Variants in XBP1 observed in about 807,000 individuals in gnomAD.
XBP1 encodes the protein X-box-binding protein 1.
Under a neutral mutation model 34.6 loss-of-function variants are expected in XBP1, and 18 were observed. The ratio of observed to expected loss-of-function variants is 0.52; its 90% confidence interval spans 0.36 to 0.77. The LOEUF is 0.77. Ranked by LOEUF, XBP1 falls within the 30% of genes least tolerant of loss-of-function variation. The probability of loss-of-function intolerance (pLI) is 0.00; values close to 1 mark genes in which losing one functional copy is unlikely to be tolerated. For missense variants in XBP1, 422 were observed against 464.6 expected (o/e 0.91, Z 0.84); for synonymous variants, 191 against 193.4 (o/e 0.99, Z 0.11).
intron 3 of XBP1, chr22:28,796,769 C>T: frequency 4.9e-6 from 1 of 206,098 alleles, no homozygotes; most frequent in Non-Finnish European, 9.6e-6. Context: ...GAGTGGCTCT[C>T]TTACTTTGGT....
exon 6 of XBP1, chr22:28,795,362 C>A (rs533270808): frequency 1.9e-6 from 3 of 1,551,874 alleles, no homozygotes; most frequent in Non-Finnish European, 2.6e-6. Context: ...ATTTGAGATA[C>A]CCAGCTCCGG....
Position 28,795,661 on chromosome 22 carries a change from A to G in XBP1, c.645T>C (p.Pro215=), listed in dbSNP as rs146909963. Residue 215 remains proline (P), a synonymous_variant, in exon 6 of 6, where the codon CCT becomes CCC. Transcript: ENST00000344347. ...CCTCTGGGAGCTCCTCCAGGCTGGCAGGCTCTGGGGAAGGGCATTTGAAGA... is the reference window on the plus strand; with the variant it reads ...CCTCTGGGAGCTCCTCCAGGCTGGCGGGCTCTGGGGAAGGGCATTTGAAGA... The G allele has an allele frequency of 4.8e-5, 76 of 1,599,750 alleles. No homozygotes were observed. Among genetic ancestry groups the G allele is most frequent in the Non-Finnish European group, 6.0e-5 (71 of 1,173,670 alleles).
At chr22:28,800,504 C>A in exon 1 of XBP1, 2 of 1,488,982 alleles carry the variant, frequency 1.3e-6, no homozygotes, top group South Asian at 1.3e-5. Context: ...CCGGGTTCGG[C>A]GCGGCTGCCA....
exon 6 of XBP1, chr22:28,795,440 G>A: frequency 7.5e-6 from 12 of 1,598,910 alleles, no homozygotes; most frequent in Non-Finnish European, 1.0e-5. Context: ...ATTCTCTGAG[G>A]GGCTGAGAGG....
chr22:28,799,893 A>C (rs1235207454), intron 1 of XBP1: 9 of 749,978 alleles, frequency 1.2e-5, no homozygotes, highest in Non-Finnish European at 9.9e-6. Flanking sequence ...CAGCCCTTTC[A>C]ACAGCTCTGT....
At chr22:28,800,534 C>A, upstream of XBP1, 1 of 1,481,438 alleles carries the variant, frequency 6.8e-7, no homozygotes, top group Admixed American at 2.4e-5. Flanking sequence ...TAGCTCCAGA[C>A]TACGCACCGC....
At chr22:28,799,824 G>A in intron 1 of XBP1, 3 of 608,840 alleles carry the variant, frequency 4.9e-6, no homozygotes, top group South Asian at 4.1e-5. Context: ...ACCTCATGAA[G>A]TAGGTTCCAT....
chr22:28,800,533 A>C (rs570661028), upstream of XBP1: 18 of 1,482,498 alleles, frequency 1.2e-5, no homozygotes, highest in African/African-American at 2.9e-5. Context: ...ATAGCTCCAG[A>C]CTACGCACCG....
At chr22:28,798,340 G>A (rs945039413) in intron 2 of XBP1, among the ~76,000 whole-genome samples, 5 of 109,392 alleles carry the variant, frequency 4.6e-5, no homozygotes, top group Admixed American at 8.7e-5. Context: ...TTGCTCTGTC[G>A]CCCAGACTGG....
At chr22:28,799,271 T>C in intron 1 of XBP1, 118 bp from the exon 2 acceptor site, 2 of 676,984 alleles carry the variant, frequency 3.0e-6, no homozygotes, top group Non-Finnish European at 4.9e-6. Flanking sequence ...AGACTAATGA[T>C]AAAATACACT....
intron 2 of XBP1, chr22:28,798,768 C>CTTTTTCT (rs2031800394): frequency 2.4e-5 from 3 of 125,290 alleles, no homozygotes; most frequent in South Asian, 2.1e-4. Flanking sequence ...CACGCTTGGC[C>CTTTTTCT]TTTTTTTTTT....
At chr22:28,798,748 T>C (rs936439873) in intron 2 of XBP1, among the ~76,000 whole-genome samples, 2 of 146,108 alleles carry the variant, frequency 1.4e-5, no homozygotes, top group African/African-American at 5.0e-5. Context: ...TAGCTGGGAC[T>C]ACAGGCACTC....
At chr22:28,795,433 C>T (rs1220329173) in exon 6 of XBP1, 1 of 1,591,236 alleles carries the variant, frequency 6.3e-7, no homozygotes, top group Middle Eastern at 1.7e-4. Flanking sequence ...GGTGATCATT[C>T]TCTGAGGGGC....
intron 3 of XBP1, 68 bp from the exon 4 acceptor site, chr22:28,796,260 G>T: frequency 7.1e-7 from 1 of 1,405,670 alleles, no homozygotes; most frequent in Non-Finnish European, 9.4e-7. Flanking sequence ...AGACAGCTGT[G>T]ATTCTCAACT....
exon 6 of XBP1, chr22:28,795,277 A>G: frequency 6.4e-7 from 1 of 1,551,824 alleles, no homozygotes; most frequent in Non-Finnish European, 8.7e-7. Flanking sequence ...GGGAAAGGGA[A>G]CCCCCGTATC....
At position 28,797,219 on chromosome 22, in the gene XBP1, C is replaced by T. The variant is rs567238977; in HGVS notation, c.325-14G>A. ...AAGTTTTTGGTTCTGGAAGAAAGTT[C>T]ATAAGAGGCTATTAAAACATCTAAT... On this transcript the variant is annotated splice_polypyrimidine_tract_variant and intron_variant, in intron 2 of 5. Transcript: ENST00000344347. 1 of 1,609,966 alleles carries T rather than the reference C, an allele frequency of 6.2e-7. No homozygotes were observed. The highest frequency in any genetic ancestry group is 1.3e-5 in the African/African-American group (1 of 74,562).
exon 3 of XBP1, chr22:28,797,089 C>A: frequency 1.2e-6 from 2 of 1,609,684 alleles, no homozygotes; most frequent in Non-Finnish European, 1.7e-6. Flanking sequence ...TGGCTTCCGC[C>A]TCCTCTTCAG....
At chr22:28,799,912 C>T (rs777231877) in intron 1 of XBP1, 2 of 770,578 alleles carry the variant, frequency 2.6e-6, no homozygotes, top group Non-Finnish European at 4.8e-6. Flanking sequence ...GTTATTTCAG[C>T]TCCGCGCCTC....
chr22:28,795,163 T>C (rs1377893858), downstream of XBP1: 5 of 1,491,342 alleles, frequency 3.4e-6, no homozygotes, highest in East Asian at 4.9e-5. Context: ...GGCAACAGTA[T>C]TGGATCATTC....
Sources: allele counts gnomAD v4.1 joint callset (sites outside exome capture counted in the v4.1 genomes callset), GRCh38; gene constraint gnomAD v4.1.1; transcripts MANE v1.5; gene names NCBI Gene and HGNC (gene_info 2026-07-23, HGNC 2026-07-21).